STOX1: variants seen among roughly 807,000 people sequenced by gnomAD.
STOX1 encodes storkhead box 1.
In STOX1, 57 loss-of-function variants were observed where a neutral mutation model predicts 74.8. That is an observed-to-expected ratio of 0.76 (90% CI 0.62 to 0.95). The LOEUF is 0.95. Among genes scored for constraint, STOX1 ranks in the 40% least tolerant of loss-of-function variants. The probability of loss-of-function intolerance (pLI) is 0.00; values close to 1 mark genes in which losing one functional copy is unlikely to be tolerated. For missense variants in STOX1, 1,010 were observed against 1,117.0 expected (o/e 0.90, Z 1.37); for synonymous variants, 375 against 401.3 (o/e 0.93, Z 0.78).
At chr10:68,873,626 T>TTTC (rs758125876) in intron 1 of STOX1, among the ~76,000 whole-genome samples, 3 of 149,162 alleles carry the variant, frequency 2.0e-5, no homozygotes, top group Non-Finnish European at 3.0e-5. Context: ...GTCCTTTTTT[T>TTTC]TTCTTCTTCT....
chr10:68,838,614 A>G (rs1469016443), intron 1 of STOX1, among the ~76,000 whole-genome samples: 1 of 152,028 alleles, frequency 6.6e-6, no homozygotes, highest in African/African-American at 2.4e-5. Flanking sequence ...TAATATGTTG[A>G]AAAAAAGTGG....
chr10:68,838,726 T>G (rs893978255), intron 1 of STOX1, among the ~76,000 whole-genome samples: 5 of 151,986 alleles, frequency 3.3e-5, no homozygotes, highest in Admixed American at 3.3e-4. Flanking sequence ...CTGGCTAACA[T>G]GGTGAAACCC....
In STOX1 at chr10:68,838,417, T is replaced by C. The variant is rs997392498; in HGVS notation, c.310+10484T>C. ...GTTAATGTATAGAAATGCAACTGAT[T>C]TTATGTTCAGTGTGGGTTCTGTAAC... On this transcript the variant is annotated intron_variant, in intron 1 of 3. Transcript: ENST00000298596. Among the ~76,000 whole-genome samples the C allele has an allele frequency of 8.5e-5, 13 of 152,164 alleles. 1 individual carries two copies. Among genetic ancestry groups the C allele is most frequent in the Non-Finnish European group, 2.9e-5 (2 of 68,042 alleles).
chr10:68,828,140 G>T, intron 1 of STOX1: 3 of 474,856 alleles, frequency 6.3e-6, no homozygotes, highest in Non-Finnish European at 7.8e-6. Flanking sequence ...CTCGCGGCTG[G>T]CCTTCCAGGG....
chr10:68,853,698 T>G (rs1308577018), intron 1 of STOX1, among the ~76,000 whole-genome samples: 1 of 151,984 alleles, frequency 6.6e-6, no homozygotes, highest in Non-Finnish European at 1.5e-5. Context: ...TTGTTTTTTG[T>G]TTTTTGAGAC....
At chr10:68,858,481 T>C (rs989877647) in intron 1 of STOX1, among the ~76,000 whole-genome samples, 2 of 152,138 alleles carry the variant, frequency 1.3e-5, no homozygotes, top group African/African-American at 4.8e-5. Flanking sequence ...TCTTTAAAAT[T>C]TCTAACAGCC....
intron 1 of STOX1, among the ~76,000 whole-genome samples, chr10:68,873,310 G>GAATGC (rs1840583538): frequency 7.1e-6 from 1 of 140,206 alleles, no homozygotes; most frequent in East Asian, 2.1e-4. Flanking sequence ...ACCCAGGCTG[G>GAATGC]AATGCAGTGG....
chr10:68,840,268 T>C (rs991470997), intron 1 of STOX1, among the ~76,000 whole-genome samples: 10 of 152,190 alleles, frequency 6.6e-5, no homozygotes, highest in African/African-American at 2.4e-4. Context: ...ATTTTGACAA[T>C]GATTTTTTGG....
At chr10:68,841,999 A>G (rs1012411094) in intron 1 of STOX1, among the ~76,000 whole-genome samples, 2 of 149,274 alleles carry the variant, frequency 1.3e-5, no homozygotes, top group African/African-American at 4.8e-5. Flanking sequence ...TCCCGCACCC[A>G]GGGAGGTGTG....
At chr10:68,835,416 G>A (rs1160723757) in intron 1 of STOX1, among the ~76,000 whole-genome samples, 2 of 151,958 alleles carry the variant, frequency 1.3e-5, no homozygotes, top group East Asian at 3.9e-4. Context: ...TTGAACTCCT[G>A]GGCTAAAGTG....
At chr10:68,852,231 T>G (rs1290424440) in intron 1 of STOX1, among the ~76,000 whole-genome samples, 1 of 151,446 alleles carries the variant, frequency 6.6e-6, no homozygotes, top group Non-Finnish European at 1.5e-5. Flanking sequence ...TGTATGAGTT[T>G]AAGTTTTTCT....
At chr10:68,839,085 T>G (rs1420615113) in intron 1 of STOX1, among the ~76,000 whole-genome samples, 1 of 152,194 alleles carries the variant, frequency 6.6e-6, no homozygotes, top group African/African-American at 2.4e-5. Flanking sequence ...AGACTTAGTA[T>G]TTTTTAAATG....
chr10:68,856,579 G>C (rs1386865550), intron 1 of STOX1, among the ~76,000 whole-genome samples: 1 of 152,064 alleles, frequency 6.6e-6, no homozygotes. Context: ...GACTAGTGCA[G>C]TACCTCCTGA....
intron 1 of STOX1, among the ~76,000 whole-genome samples, chr10:68,860,009 C>T (rs549167722): frequency 9.2e-5 from 14 of 151,988 alleles, no homozygotes; most frequent in Middle Eastern, 3.4e-3. Context: ...GTTTCACTGG[C>T]GGCTATGCGT....
chr10:68,855,008 C>T (rs117270792), intron 1 of STOX1, among the ~76,000 whole-genome samples: 8,466 of 152,092 alleles, frequency 0.056, 276 homozygotes, highest in Middle Eastern at 0.13. Flanking sequence ...GATGCAGCTA[C>T]TTGGGATGCT....
rs1840962475 is a variant in STOX1, at chr10:68,886,503, C to G, written c.2707C>G (p.Leu903Val). 1.9e-6 allele frequency: 3 copies of G among 1,614,056 alleles called. No individual in the cohort carries two copies. Among genetic ancestry groups the G allele is most frequent in the Non-Finnish European group, 2.5e-6 (3 of 1,179,952 alleles). The change falls in exon 3 of 4, where the codon CTT becomes GTT. Residue 903 changes from leucine to valine, a missense_variant. Transcript: ENST00000298596. ...AAAACATTTCCCACAAAAGTTCCAA[C>G]TTTTCAACACTTCACATATGCCAGT... is the stretch of plus-strand genomic sequence containing the variant. ...MRKHFPQKFQ[L>V]FNTSHMPVLA...
intron 1 of STOX1, among the ~76,000 whole-genome samples, chr10:68,873,499 G>T (rs1198657441): frequency 2.0e-5 from 3 of 147,278 alleles, no homozygotes; most frequent in Non-Finnish European, 3.0e-5. Flanking sequence ...CTGACCTCGT[G>T]ATCCACCCGC....
At chr10:68,852,732 G>GC (rs948734879) in intron 1 of STOX1, among the ~76,000 whole-genome samples, 2 of 151,526 alleles carry the variant, frequency 1.3e-5, no homozygotes, top group Non-Finnish European at 2.9e-5. Context: ...ACAGGCACAT[G>GC]CCACCATGCC....
chr10:68,829,447 G>C (rs1839350311), intron 1 of STOX1, among the ~76,000 whole-genome samples: 2 of 152,212 alleles, frequency 1.3e-5, no homozygotes, highest in Non-Finnish European at 2.9e-5. Flanking sequence ...AATCCAGGAG[G>C]TGGTGGTTGC....
Sources: allele counts gnomAD v4.1 joint callset (sites outside exome capture counted in the v4.1 genomes callset), GRCh38; gene constraint gnomAD v4.1.1; transcripts MANE v1.5; gene names NCBI Gene and HGNC (gene_info 2026-07-23, HGNC 2026-07-21).